TRAM2: variants seen among roughly 807,000 people sequenced by gnomAD.
TRAM2 encodes translocation associated membrane protein 2.
Under a neutral mutation model 51.0 loss-of-function variants are expected in TRAM2, and 12 were observed. The ratio of observed to expected loss-of-function variants is 0.24; its 90% confidence interval spans 0.15 to 0.38. The LOEUF (loss-of-function observed/expected upper bound fraction) is 0.38. Among genes scored for constraint, TRAM2 ranks in the 10% least tolerant of loss-of-function variants. The probability of loss-of-function intolerance (pLI) is 1.00; values close to 1 mark genes in which losing one functional copy is unlikely to be tolerated. For missense variants in TRAM2, 361 were observed against 462.0 expected, an observed-to-expected ratio of 0.78 and a Z score of 2.00; for synonymous variants, 175 against 179.4, an observed-to-expected ratio of 0.98 and a Z score of 0.20.
chr6:52,527,995 T>G (rs911814225), intron 2 of TRAM2, among the ~76,000 whole-genome samples: 4 of 152,202 alleles, frequency 2.6e-5, no homozygotes, highest in Admixed American at 2.0e-4. Flanking sequence ...GTTTTTCTCT[T>G]ATTCATACAA....
In TRAM2 at chr6:52,549,361, G is replaced by A. The variant is rs191174920; in HGVS notation, c.121-13515C>T. ...GATACCATCTATTCCAGCATGGTGC[G>A]CATTTCAAAGCTTTGCTTCCCACAA... On this transcript the variant is annotated intron_variant, in intron 1 of 10. Transcript: ENST00000182527. Among the ~76,000 whole-genome samples, 22 of 151,384 alleles carry A rather than the reference G, an allele frequency of 1.5e-4. 1 individual carries two copies. Among genetic ancestry groups the A allele is most frequent in the Admixed American group, 1.3e-3 (19 of 15,196 alleles).
chr6:52,561,435 G>A (rs751024999), intron 1 of TRAM2, among the ~76,000 whole-genome samples: 4 of 151,122 alleles, frequency 2.6e-5, no homozygotes, highest in Middle Eastern at 3.5e-3. Context: ...GGTATATGCC[G>A]CCATGCCTGG....
intron 1 of TRAM2, among the ~76,000 whole-genome samples, chr6:52,570,921 G>A (rs972979113): frequency 2.0e-5 from 3 of 151,960 alleles, no homozygotes; most frequent in Non-Finnish European, 4.4e-5. Flanking sequence ...AACCAGCTGC[G>A]ACCAAGTTAG....
chr6:52,518,726 A>G (rs960530331), intron 2 of TRAM2, among the ~76,000 whole-genome samples: 18 of 152,186 alleles, frequency 1.2e-4, no homozygotes, highest in African/African-American at 4.3e-4. Flanking sequence ...GAGGGAGAGG[A>G]GACTCATGGC....
chr6:52,565,906 C>T (rs982683773), intron 1 of TRAM2, among the ~76,000 whole-genome samples: 3 of 152,226 alleles, frequency 2.0e-5, no homozygotes, highest in Admixed American at 2.0e-4. Context: ...TGTGCCTCCA[C>T]TGAACACTGG....
intron 1 of TRAM2, among the ~76,000 whole-genome samples, chr6:52,567,926 T>C (rs1388877148): frequency 6.6e-6 from 1 of 152,208 alleles, no homozygotes; most frequent in Non-Finnish European, 1.5e-5. Context: ...CCTAAATCTA[T>C]AGGATTGGGG....
chr6:52,550,849 G>A (rs932374952), intron 1 of TRAM2, among the ~76,000 whole-genome samples: 10 of 152,174 alleles, frequency 6.6e-5, no homozygotes, highest in Non-Finnish European at 2.9e-5. Context: ...GATTACAGGA[G>A]TGTGCCACCA....
At chr6:52,544,011 A>G in intron 1 of TRAM2, among the ~76,000 whole-genome samples, 1 of 152,214 alleles carries the variant, frequency 6.6e-6, no homozygotes, top group East Asian at 1.9e-4. Flanking sequence ...CACCACCTTG[A>G]AAGTTTCAAA....
intron 7 of TRAM2, among the ~76,000 whole-genome samples, chr6:52,507,051 G>T (rs1235326631): frequency 6.6e-6 from 1 of 152,174 alleles, no homozygotes; most frequent in Non-Finnish European, 1.5e-5. Flanking sequence ...GGCTCTTCGA[G>T]AACTAATATT....
chr6:52,540,505 T>C (rs1418928242), intron 1 of TRAM2, among the ~76,000 whole-genome samples: 25 of 152,306 alleles, frequency 1.6e-4, no homozygotes, highest in Admixed American at 1.6e-3. Context: ...AGCTTCTAGA[T>C]TGACCACATC....
chr6:52,515,796 GCTATAA>G, intron 4 of TRAM2: 1 of 538,088 alleles, frequency 1.9e-6, no homozygotes, highest in Non-Finnish European at 3.3e-6. Flanking sequence ...ACTCTCTCCA[GCTATAA>G]AATGGCATCT....
intron 1 of TRAM2, among the ~76,000 whole-genome samples, chr6:52,551,821 A>AGTCT (rs1767314874): frequency 6.6e-6 from 1 of 152,258 alleles, no homozygotes. Flanking sequence ...GGAAGGGAAG[A>AGTCT]GGAAGGGGTT....
chr6:52,566,879 T>C (rs1244839662), intron 1 of TRAM2, among the ~76,000 whole-genome samples: 1 of 152,234 alleles, frequency 6.6e-6, no homozygotes, highest in Non-Finnish European at 1.5e-5. Flanking sequence ...TGAGCACCAC[T>C]GTGTGTGCTA....
chr6:52,520,838 C>T (rs1766658641), intron 2 of TRAM2, among the ~76,000 whole-genome samples: 2 of 152,192 alleles, frequency 1.3e-5, no homozygotes, highest in South Asian at 4.1e-4. Context: ...CAGCTTCATA[C>T]ACAAATAATC....
intron 1 of TRAM2, among the ~76,000 whole-genome samples, chr6:52,566,048 T>C (rs890672161): frequency 1.3e-5 from 2 of 152,176 alleles, no homozygotes; most frequent in African/African-American, 4.8e-5. Flanking sequence ...TTTAAGAAAT[T>C]AGAAGTTACA....
intron 1 of TRAM2, among the ~76,000 whole-genome samples, chr6:52,555,963 ATC>A (rs1001445682): frequency 1.3e-5 from 2 of 152,162 alleles, no homozygotes; most frequent in Admixed American, 1.3e-4. Flanking sequence ...AAAACGCAAA[ATC>A]TCTGTTATTT....
In TRAM2 at chr6:52,512,541, G is replaced by A. The variant is rs931441088; in HGVS notation, c.412-2955C>T. Among the ~76,000 whole-genome samples the A allele has an allele frequency of 7.9e-5, 12 of 152,288 alleles. No individual in the cohort carries two copies. In the East Asian group the frequency reaches 2.3e-3, roughly 29 times the overall value. On this transcript the variant is annotated intron_variant, in intron 4 of 10. Coordinates refer to ENST00000182527, the MANE Select transcript of TRAM2 (RefSeq NM_012288.4). The stretch of plus-strand genomic sequence containing the variant: ...GCACGCAAAGCACCTGAGTCCACAG[G>A]GGGCTGAGTGTGACCCAGCAAGCAC...
rs781570575 is a variant in TRAM2, at chr6:52,503,267, T to G, written c.1043A>C (p.Tyr348Ser). ...PARLIKRESG[Y>S]HENGVVKAEN... ...TGCCTTCACCACTCCATTTTCATGG[T>G]AACCTGGGAAGTGGAGAGAGACAAG... is the stretch of plus-strand genomic sequence containing the variant. The change falls in exon 11 of 11, where the codon TAC (tyrosine) becomes TCC (serine). Residue 348 changes from tyrosine (Y) to serine (S), a missense_variant. Transcript: ENST00000182527. 10 of 1,613,730 alleles carry G rather than the reference T, an allele frequency of 6.2e-6. No homozygotes were observed. In the Admixed American group the frequency reaches 1.7e-4, roughly 27 times the overall value.
intron 1 of TRAM2, among the ~76,000 whole-genome samples, chr6:52,574,597 AG>A (rs1481261267): frequency 1.3e-5 from 2 of 152,178 alleles, no homozygotes; most frequent in African/African-American, 4.8e-5. Flanking sequence ...TGGCAGGAAA[AG>A]GGGGCCTGTA....
Sources: gnomAD v4.1 joint callset for allele counts (sites outside exome capture counted in the v4.1 genomes callset) on GRCh38, gnomAD v4.1.1 for gene constraint, MANE v1.5 for transcripts, NCBI Gene and HGNC (gene_info 2026-07-23, HGNC 2026-07-21) for gene names.